Variants in ABCC3 observed in about 807,000 individuals in gnomAD.
The protein encoded by ABCC3 is ATP-binding cassette sub-family C member 3.
In ABCC3, 121 loss-of-function variants were observed where a neutral mutation model predicts 165.3. The observed-to-expected ratio is 0.73, with a 90% CI of 0.63 to 0.85. ABCC3 has a LOEUF of 0.85. ABCC3 is among the 40% of genes least tolerant of loss of function. The probability of loss-of-function intolerance (pLI) is 0.00; values close to 1 mark genes in which losing one functional copy is unlikely to be tolerated. For synonymous variants in ABCC3, 733 were observed against 810.1 expected (o/e 0.90, Z 1.62); for missense variants, 1,869 against 1,964.1 (o/e 0.95, Z 0.92).
At chr17:50,685,900 A>C (rs1408330759) in intron 29 of ABCC3, among the ~76,000 whole-genome samples, 1 of 152,144 alleles carries the variant, frequency 6.6e-6, no homozygotes, top group Non-Finnish European at 1.5e-5. Context: ...CCCAGACCTC[A>C]AAAACTAAAA....
intron 30 of ABCC3, among the ~76,000 whole-genome samples, chr17:50,689,278 G>A (rs147806183): frequency 7.5e-4 from 115 of 152,344 alleles, no homozygotes; most frequent in Admixed American, 2.1e-3. Context: ...TAATTCTTGC[G>A]CTAGGCCCTC....
intron 26 of ABCC3, among the ~76,000 whole-genome samples, chr17:50,683,095 G>A (rs1488500547): frequency 1.3e-5 from 2 of 152,058 alleles, no homozygotes; most frequent in Non-Finnish European, 2.9e-5. Flanking sequence ...TGTAGTCCTA[G>A]CTAATCAGGA....
In ABCC3 at chr17:50,683,632, G is replaced by A. The variant is rs770794110; in HGVS notation, c.3830G>A (p.Ser1277Asn). The A allele has an allele frequency of 2.5e-6, 4 of 1,586,332 alleles. No homozygotes were observed. Among genetic ancestry groups the A allele is most frequent in the African/African-American group, 2.7e-5 (2 of 73,392 alleles). Residue 1277 changes from serine to asparagine, a missense_variant, in exon 27 of 31, where the codon AGC (serine) becomes AAC (asparagine). Ser to Asn is a conservative substitution (Grantham distance 46, BLOSUM62 1). Coordinates refer to ENST00000285238, the MANE Select transcript of ABCC3 (RefSeq NM_003786.4). ...CAGGCGCCCTGGGTGGTGGAAGGCA[G>A]CCGCCCTCCCGAAGGTTGGCCCCCA... The part of the protein sequence containing the change: ...ETEAPWVVEG[S>N]RPPEGWPPRG...
intron 1 of ABCC3, among the ~76,000 whole-genome samples, chr17:50,644,350 G>C (rs971660018): frequency 2.7e-5 from 4 of 150,450 alleles, no homozygotes; most frequent in Admixed American, 2.7e-4. Flanking sequence ...GGGAAGGCAG[G>C]CTGGGGAGGT....
Position 50,669,404 on chromosome 17 carries a change from A to G in ABCC3, c.2117A>G (p.Gln706Arg), listed in dbSNP as rs965286496. The G allele has an allele frequency of 6.2e-7, 1 of 1,614,134 alleles. No homozygotes were observed. The highest frequency in any genetic ancestry group is 1.3e-5 in the African/African-American group (1 of 74,946). ...QQAWIQNCTL[Q>R]ENVLFGKALN... The stretch of plus-strand genomic sequence containing the variant: ...GCATGGATCCAGAACTGCACTCTTC[A>G]GGAAAACGTGCTTTTCGGCAAAGCC... The change falls in exon 17 of 31, where the codon CAG becomes CGG. Residue 706 changes from glutamine to arginine, a missense_variant. By Grantham distance (43) the Gln-to-Arg change is conservative. Coordinates refer to ENST00000285238, the MANE Select transcript of ABCC3 (RefSeq NM_003786.4).
intron 11 of ABCC3, among the ~76,000 whole-genome samples, chr17:50,667,228 A>G (rs1048882484): frequency 5.9e-5 from 9 of 152,048 alleles, no homozygotes; most frequent in African/African-American, 2.2e-4. Flanking sequence ...CTCTAAAATA[A>G]ATAATACTAG....
Position 50,644,721 on chromosome 17 carries a change from A to C in ABCC3, c.45+9740A>C, listed in dbSNP as rs538842546. 2.7e-5 allele frequency among the ~76,000 whole-genome samples: 4 copies of C among 145,846 alleles called. No individual in the cohort carries two copies. The South Asian group carries it at 8.7e-4, about 32-fold the overall frequency. ...AGTGAGACTCCGTCTCAAAACCAAA[A>C]CAAAACAAAAACCAAGGCCGGGTGC... is the stretch of plus-strand genomic sequence containing the variant. On this transcript the variant is annotated intron_variant, in intron 1 of 30. Transcript: ENST00000285238.
chr17:50,687,379 C>A, intron 29 of ABCC3, 157 bp from the exon 30 acceptor site: 1 of 685,488 alleles, frequency 1.5e-6, no homozygotes, highest in Non-Finnish European at 2.4e-6. Context: ...GTGTCCAGAC[C>A]TCTGCTCCGT....
chr17:50,670,785 G>C (rs911937306), intron 17 of ABCC3, among the ~76,000 whole-genome samples: 16 of 152,104 alleles, frequency 1.1e-4, no homozygotes, highest in Admixed American at 9.2e-4. Context: ...AACCCTGTAT[G>C]GGGTCTTGGA....
At chr17:50,646,500 A>G (rs2146593704) in intron 1 of ABCC3, among the ~76,000 whole-genome samples, 1 of 152,330 alleles carries the variant, frequency 6.6e-6, no homozygotes, top group African/African-American at 2.4e-5. Flanking sequence ...TAGATGGTAC[A>G]TCATATCATC....
Position 50,684,831 on chromosome 17 carries a change from G to A in ABCC3, c.4236G>A (p.Pro1412=), listed in dbSNP as rs776633452. 1.5e-5 allele frequency: 24 copies of A among 1,614,024 alleles called. No individual in the cohort carries two copies. Among genetic ancestry groups the A allele is most frequent in the East Asian group, 1.1e-4 (5 of 44,878 alleles). Residue 1412 remains proline (P), a synonymous_variant, in exon 29 of 31, where the codon CCG becomes CCA. Transcript: ENST00000285238. ...TGCACACGTTTGTGAGCTCCCAGCC[G>A]GCAGGCCTGGACTTCCAGTGCTCAG... The part of the protein sequence containing the change: ...SHLHTFVSSQ[P]AGLDFQCSEG...
At chr17:50,679,547 T>G in intron 25 of ABCC3, 1 of 359,976 alleles carries the variant, frequency 2.8e-6, no homozygotes. Flanking sequence ...GTCTTATACA[T>G]ATTAAAGTTG....
At chr17:50,661,763 C>T (rs184932912) in intron 8 of ABCC3, among the ~76,000 whole-genome samples, 99 of 152,156 alleles carry the variant, frequency 6.5e-4, no homozygotes, top group African/African-American at 2.2e-3. Flanking sequence ...GAGAAACCAG[C>T]GTGTAAATCA....
At chr17:50,663,562 G>A (rs1196045591) in intron 8 of ABCC3, 119 bp from the exon 9 acceptor site, 2 of 1,208,048 alleles carry the variant, frequency 1.7e-6, no homozygotes, top group Non-Finnish European at 2.3e-6. Context: ...GGTTGGAGGG[G>A]GTGGAGGTTT....
At chr17:50,662,549 G>A (rs925282712) in intron 8 of ABCC3, among the ~76,000 whole-genome samples, 2 of 151,002 alleles carry the variant, frequency 1.3e-5, no homozygotes, top group East Asian at 3.9e-4. Flanking sequence ...GAGGTGGGAA[G>A]ACTGCCTGAG....
intron 4 of ABCC3, 96 bp downstream of exon 4, chr17:50,657,279 C>T (rs867116220): frequency 2.4e-5 from 36 of 1,475,574 alleles, no homozygotes; most frequent in Non-Finnish European, 2.9e-5. Context: ...GTCCCTCCCT[C>T]GAGGCTTCAA....
intron 23 of ABCC3, among the ~76,000 whole-genome samples, chr17:50,677,543 G>A (rs1361277728): frequency 6.6e-6 from 1 of 152,090 alleles, no homozygotes; most frequent in Non-Finnish European, 1.5e-5. Flanking sequence ...GGTTGAAGCA[G>A]AGATGATCAG....
intron 17 of ABCC3, among the ~76,000 whole-genome samples, chr17:50,670,656 A>G (rs1248905757): frequency 6.6e-6 from 1 of 152,220 alleles, no homozygotes; most frequent in African/African-American, 2.4e-5. Flanking sequence ...GAATACAGGA[A>G]TGCCTGCAGA....
At chr17:50,658,640 G>GT in intron 6 of ABCC3, 144 bp downstream of exon 6, 1 of 914,402 alleles carries the variant, frequency 1.1e-6, no homozygotes, top group Non-Finnish European at 1.7e-6. Flanking sequence ...GCAGATGAGG[G>GT]TAGGGAAGTG....
Sources: allele counts gnomAD v4.1 joint callset (sites outside exome capture counted in the v4.1 genomes callset), GRCh38; gene constraint gnomAD v4.1.1; transcripts MANE v1.5; gene names NCBI Gene and HGNC (gene_info 2026-07-23, HGNC 2026-07-21).